CPHXL2: variants seen among roughly 807,000 people sequenced by gnomAD.
CPHXL2 encodes the protein cytoplasmic polyadenylated homeobox-like protein 2.
At chr16:75,675,180 C>A in the CPHXL2 span, among the ~76,000 whole-genome samples, 1 of 147,028 alleles carries the variant, frequency 6.8e-6, no homozygotes, top group Non-Finnish European at 1.5e-5. Flanking sequence ...CAGAGTGAGA[C>A]TGTCTCAAAA....
the CPHXL2 span, chr16:75,660,288 C>T: frequency 5.0e-6 from 2 of 398,310 alleles, no homozygotes; most frequent in Admixed American, 8.8e-5. Context: ...TCCTTGGGTT[C>T]CTGTGGCAGG....
the CPHXL2 span, among the ~76,000 whole-genome samples, chr16:75,672,389 G>C: frequency 6.6e-6 from 1 of 152,066 alleles, no homozygotes; most frequent in Non-Finnish European, 1.5e-5. Context: ...GGCATTCACT[G>C]TAAGAGAAGG....
the CPHXL2 span, among the ~76,000 whole-genome samples, chr16:75,676,633 C>T: frequency 1.3e-5 from 2 of 152,194 alleles, no homozygotes; most frequent in African/African-American, 4.8e-5. Context: ...CAATTGCTCT[C>T]TGCTTTAATA....
chr16:75,670,062 C>G, the CPHXL2 span, among the ~76,000 whole-genome samples: 2 of 152,076 alleles, frequency 1.3e-5, no homozygotes, highest in South Asian at 4.1e-4. Context: ...TTACAGGCAC[C>G]TGCCACTACG....
At chr16:75,664,708 G>C in the CPHXL2 span, among the ~76,000 whole-genome samples, 2 of 151,920 alleles carry the variant, frequency 1.3e-5, no homozygotes, top group African/African-American at 4.8e-5. Flanking sequence ...TGAGAGGTGA[G>C]GCCTTAAAAG....
chr16:75,676,063 G>A, the CPHXL2 span, among the ~76,000 whole-genome samples: 1 of 151,544 alleles, frequency 6.6e-6, no homozygotes, highest in South Asian at 2.1e-4. Context: ...TGGGTGACAA[G>A]AGCAAAACTC....
chr16:75,660,975 G>C, the CPHXL2 span: 1 of 398,886 alleles, frequency 2.5e-6, no homozygotes, highest in Admixed American at 4.4e-5. Context: ...CTGTTGACTG[G>C]GAGTCTCTTG....
chr16:75,676,898 T>C, the CPHXL2 span: 1 of 398,442 alleles, frequency 2.5e-6, no homozygotes, highest in East Asian at 3.6e-5. Context: ...TATTATAAGG[T>C]AAAAGTTGAA....
the CPHXL2 span, among the ~76,000 whole-genome samples, chr16:75,662,266 A>T: frequency 6.6e-6 from 1 of 150,838 alleles, no homozygotes; most frequent in African/African-American, 2.4e-5. Flanking sequence ...CCCTCCAGGA[A>T]CTTCCACATG....
chr16:75,673,065 G>A, the CPHXL2 span, among the ~76,000 whole-genome samples: 2 of 93,106 alleles, frequency 2.1e-5, no homozygotes, highest in South Asian at 6.9e-4. Flanking sequence ...GACGGAGTAA[G>A]ACCTTGTCTC....
At chr16:75,669,831 C>T in the CPHXL2 span, among the ~76,000 whole-genome samples, 10,394 of 152,222 alleles carry the variant, frequency 0.068, 478 homozygotes, top group African/African-American at 0.13. Context: ...TGTCTATGGC[C>T]GTTTTCAAGC....
At chr16:75,671,361 C>CAAAAAAA in the CPHXL2 span, among the ~76,000 whole-genome samples, 1 of 126,394 alleles carries the variant, frequency 7.9e-6, no homozygotes, top group African/African-American at 3.0e-5. Context: ...GACTCTGTAT[C>CAAAAAAA]AAAAAAAAAA....
At chr16:75,665,210 AAAGAATCTT>A in the CPHXL2 span, among the ~76,000 whole-genome samples, 2 of 152,230 alleles carry the variant, frequency 1.3e-5, no homozygotes, top group Non-Finnish European at 1.5e-5. Context: ...AAGATGAAGG[AAAGAATCTT>A]AAGAGCCATG....
the CPHXL2 span, among the ~76,000 whole-genome samples, chr16:75,672,590 C>A: frequency 1.6e-4 from 25 of 152,296 alleles, no homozygotes; most frequent in African/African-American, 6.0e-4. Flanking sequence ...CTCCTGGGCT[C>A]AAGTGATCTT....
At chr16:75,660,389 G>A in the CPHXL2 span, 1 of 398,576 alleles carries the variant, frequency 2.5e-6, no homozygotes. Context: ...GAGGCAGCAG[G>A]GGTGAGTTGG....
At chr16:75,676,589 T>G in the CPHXL2 span, among the ~76,000 whole-genome samples, 5 of 152,326 alleles carry the variant, frequency 3.3e-5, no homozygotes, top group East Asian at 5.8e-4. Flanking sequence ...CCCAAAGTGT[T>G]GGGATTACAG....
At chr16:75,673,586 G>C in the CPHXL2 span, among the ~76,000 whole-genome samples, 2 of 152,264 alleles carry the variant, frequency 1.3e-5, no homozygotes, top group African/African-American at 4.8e-5. Flanking sequence ...AGCACACCTA[G>C]GGCCTAAACT....
chr16:75,660,469 T>G, the CPHXL2 span: 83 of 398,602 alleles, frequency 2.1e-4, 1 homozygote, highest in African/African-American at 1.5e-3. Flanking sequence ...GGCAGTTGAC[T>G]CTGCAGCTGT....
chr16:75,664,606 CAA>C, the CPHXL2 span, among the ~76,000 whole-genome samples: 1 of 72,134 alleles, frequency 1.4e-5, no homozygotes, highest in Non-Finnish European at 2.5e-5. Flanking sequence ...GCCTGGGCAA[CAA>C]GAGCAAAACT....
Sources: allele counts gnomAD v4.1 joint callset (sites outside exome capture counted in the v4.1 genomes callset), GRCh38; gene constraint gnomAD v4.1.1; transcripts MANE v1.5; gene names NCBI Gene and HGNC (gene_info 2026-07-23, HGNC 2026-07-21).